RALGAPA2: variants seen among roughly 807,000 people sequenced by gnomAD.
The protein encoded by RALGAPA2 is ral GTPase-activating protein subunit alpha-2.
A neutral mutation model predicts 230.4 loss-of-function variants in RALGAPA2; 139 were observed. The ratio of observed to expected loss-of-function variants is 0.60; its 90% CI spans 0.53 to 0.69. The LOEUF (loss-of-function observed/expected upper bound fraction) is 0.69. Among genes scored for constraint, RALGAPA2 ranks in the 30% least tolerant of loss-of-function variants. The pLI is 0.00. For synonymous variants in RALGAPA2, 847 were observed against 837.8 expected (o/e 1.01, Z -0.19); for missense variants, 2,163 against 2,276.0 (o/e 0.95, Z 1.01).
chr20:20,513,935 C>G (rs1042264019), intron 31 of RALGAPA2, among the ~76,000 whole-genome samples: 20 of 152,216 alleles, frequency 1.3e-4, no homozygotes, highest in Admixed American at 5.9e-4. Flanking sequence ...AGACTTGCAG[C>G]CAGGGCCAGC....
chr20:20,701,899 G>A (rs970517765), intron 1 of RALGAPA2, among the ~76,000 whole-genome samples: 1 of 151,308 alleles, frequency 6.6e-6, no homozygotes, highest in Non-Finnish European at 1.5e-5. Flanking sequence ...AATTAGCCAG[G>A]CGCGGCGGCA....
At chr20:20,652,087 T>G (rs948792993) in intron 4 of RALGAPA2, among the ~76,000 whole-genome samples, 5 of 152,246 alleles carry the variant, frequency 3.3e-5, no homozygotes, top group African/African-American at 1.2e-4. Flanking sequence ...ATTTACACAT[T>G]TGGTTCAATT....
intron 2 of RALGAPA2, among the ~76,000 whole-genome samples, chr20:20,677,460 T>A (rs2068369259): frequency 6.6e-6 from 1 of 151,708 alleles, no homozygotes; most frequent in Non-Finnish European, 1.5e-5. Context: ...CAGAAAACAG[T>A]CAGAGGCCCT....
At chr20:20,624,542 C>T (rs2066431324) in intron 10 of RALGAPA2, among the ~76,000 whole-genome samples, 1 of 152,018 alleles carries the variant, frequency 6.6e-6, no homozygotes, top group Non-Finnish European at 1.5e-5. Context: ...CATTAGGATT[C>T]TGAAATCAAC....
chr20:20,475,224 T>C (rs2061624593), intron 36 of RALGAPA2, among the ~76,000 whole-genome samples: 1 of 152,166 alleles, frequency 6.6e-6, no homozygotes, highest in Admixed American at 6.5e-5. Flanking sequence ...GATACAATAA[T>C]GAAGGAGAGA....
intron 24 of RALGAPA2, among the ~76,000 whole-genome samples, chr20:20,542,050 C>T (rs911259928): frequency 2.6e-4 from 39 of 152,188 alleles, no homozygotes; most frequent in African/African-American, 9.4e-4. Flanking sequence ...TGGTAAGACA[C>T]TTCAGCAAAG....
At position 20,712,261 on chromosome 20, in the gene RALGAPA2, C is replaced by G; in HGVS notation, c.106+114G>C. On this transcript the variant is annotated intron_variant, in intron 1 of 39. Coordinates refer to ENST00000202677, the MANE Select transcript of RALGAPA2 (RefSeq NM_020343.4). The surrounding 1 kb of genome is among the most constrained non-coding windows in gnomAD (Gnocchi z 5.5). ...CAGATCCAGGGAAGGGGGTCGGACG[C>G]CCACCCATCCCCCTCCCCAGCCTCC... 6.7e-6 allele frequency: 5 copies of G among 745,402 alleles called. No homozygotes were observed. Among genetic ancestry groups the G allele is most frequent in the East Asian group, 4.2e-5 (1 of 24,062 alleles). The allele number at this position is 745,402 out of a possible 1,614,324, so 46.2% of individuals were successfully genotyped here. A position where few individuals can be genotyped will look rare whatever the true frequency, so the allele number is the denominator to read the frequency against.
intron 10 of RALGAPA2, among the ~76,000 whole-genome samples, chr20:20,623,514 AAC>A (rs1466408840): frequency 2.6e-5 from 4 of 152,006 alleles, no homozygotes; most frequent in African/African-American, 9.7e-5. Context: ...AAAAAAAAAA[AAC>A]AAATCCACAA....
chr20:20,472,574 G>C, intron 37 of RALGAPA2: 1 of 273,124 alleles, frequency 3.7e-6, no homozygotes, highest in Non-Finnish European at 6.8e-6. Flanking sequence ...TCTCATAATG[G>C]TCACAGCTTC....
intron 37 of RALGAPA2, among the ~76,000 whole-genome samples, chr20:20,441,918 G>A (rs2060749671): frequency 6.6e-6 from 1 of 151,970 alleles, no homozygotes; most frequent in African/African-American, 2.4e-5. Context: ...AATTCTATTG[G>A]ATTTCACTTT....
rs745927413 is a variant in RALGAPA2, at chr20:20,511,260, C to T, written c.4922G>A (p.Arg1641His). 10 of 1,575,650 alleles carry T rather than the reference C, an allele frequency of 6.3e-6. No individual in the cohort carries two copies. The highest frequency in any genetic ancestry group is 2.3e-5 in the East Asian group (1 of 43,876). ...LLRELKNLDSRQCRETHKIAV... is the reference protein window; with the variant it reads ...LLRELKNLDSHQCRETHKIAV... ...TTGATATACTTTCACATACCACTGG[C>T]GGGAGTCCAAATTTTTCAGCTCTCT... The change falls in exon 33 of 40, where the codon CGC becomes CAC. Residue 1641 changes from arginine (R) to histidine (H), a missense_variant. By Grantham distance (29) the Arg-to-His change is conservative. Transcript: ENST00000202677.
rs139105894 is a variant in RALGAPA2 at position 20,459,218 on chromosome 20, T to C, written c.5495+13611A>G. Among the ~76,000 whole-genome samples the C allele has an allele frequency of 8.2e-3, 1,253 of 152,228 alleles. 12 individuals carry two copies. In the Middle Eastern group the frequency reaches 0.088, roughly 11 times the overall value. ...AATTCCACTGCACTCACTAAAGCAC[T>C]ACTGATATCCTAATAAAAGCAAAAC... is the stretch of plus-strand genomic sequence containing the variant. On this transcript the variant is annotated intron_variant, in intron 37 of 39. Transcript: ENST00000202677.
intron 37 of RALGAPA2, among the ~76,000 whole-genome samples, chr20:20,427,138 A>G (rs928069): frequency 0.65 from 98,286 of 152,002 alleles, 31,913 homozygotes; most frequent in African/African-American, 0.73. Flanking sequence ...CTAGCAGAAG[A>G]CCCAGTTCCA....
rs1198435929 is a variant in RALGAPA2, at chr20:20,636,556, GTA to G, written c.805+805_805+806del. On this transcript the variant is annotated intron_variant, in intron 8 of 39. Transcript: ENST00000202677. ...TCTCTCCCCGTGTGTGTGTGTGTGT[GTA>G]TGTGTGTGTGTGTGTGTGTGTGTGT... is the stretch of plus-strand genomic sequence containing the variant. Among the ~76,000 whole-genome samples, 346 of 129,892 alleles carry G rather than the reference GTA, an allele frequency of 2.7e-3. 1 individual carries two copies. Among genetic ancestry groups the G allele is most frequent in the Non-Finnish European group, 4.5e-3 (268 of 59,576 alleles). 85.2% of individuals were successfully genotyped at this position (129,892 alleles called of 152,430 possible).
At chr20:20,463,174 A>G (rs1243089818) in intron 37 of RALGAPA2, among the ~76,000 whole-genome samples, 1 of 150,746 alleles carries the variant, frequency 6.6e-6, no homozygotes, top group Admixed American at 6.6e-5. Context: ...TCAACAGTTT[A>G]TAATGTAGGA....
intron 25 of RALGAPA2, among the ~76,000 whole-genome samples, 185 bp downstream of exon 25, chr20:20,536,471 T>TA (rs1325710344): frequency 6.6e-6 from 1 of 152,204 alleles, no homozygotes; most frequent in East Asian, 1.9e-4. Context: ...CTAACTGCAA[T>TA]ATACTCTGAA....
At chr20:20,537,291 C>T (rs1373198145) in intron 24 of RALGAPA2, among the ~76,000 whole-genome samples, 1 of 152,048 alleles carries the variant, frequency 6.6e-6, no homozygotes, top group Non-Finnish European at 1.5e-5. Flanking sequence ...TAGTGAGATA[C>T]TTTTATTTGC....
At chr20:20,597,658 G>A (rs1002843590) in intron 16 of RALGAPA2, among the ~76,000 whole-genome samples, 8 of 152,030 alleles carry the variant, frequency 5.3e-5, no homozygotes, top group Non-Finnish European at 2.9e-5. Flanking sequence ...GGCCAACATG[G>A]TGAAACCTCA....
At chr20:20,568,233 G>T (rs1264621011) in intron 23 of RALGAPA2, among the ~76,000 whole-genome samples, 7 of 151,976 alleles carry the variant, frequency 4.6e-5, no homozygotes, top group Non-Finnish European at 8.8e-5. Context: ...TCATTGTCAA[G>T]GAAAAAATAA....
Sources: gnomAD v4.1 joint callset for allele counts (sites outside exome capture counted in the v4.1 genomes callset) on GRCh38, gnomAD v4.1.1 for gene constraint, Gnocchi (gnomAD v3.1) non-coding constraint, MANE v1.5 for transcripts, NCBI Gene and HGNC (gene_info 2026-07-23, HGNC 2026-07-21) for gene names.